Variants in TENT2 observed in about 807,000 individuals in gnomAD.
TENT2 encodes terminal nucleotidyltransferase 2, also known as poly(A) RNA polymerase GLD2.
Under a neutral mutation model 72.2 loss-of-function variants are expected in TENT2, and 44 were observed. That is an observed-to-expected ratio of 0.61 (90% CI 0.48 to 0.78). The LOEUF is 0.78. TENT2 is among the 30% of genes least tolerant of loss of function. TENT2 has a pLI of 0.00. For missense variants in TENT2, 541 were observed against 569.6 expected (o/e 0.95, Z 0.51); for synonymous variants, 212 against 192.5 (o/e 1.10, Z -0.84).
chr5:79,621,757 CAAA>C (rs397998298), intron 3 of TENT2, among the ~76,000 whole-genome samples: 1 of 83,300 alleles, frequency 1.2e-5, no homozygotes, highest in Non-Finnish European at 2.3e-5. Flanking sequence ...GACTCTATCT[CAAA>C]AAAAAAAAAA....
At chr5:79,661,627 T>TA (rs988086115) in intron 11 of TENT2, among the ~76,000 whole-genome samples, 1 of 152,332 alleles carries the variant, frequency 6.6e-6, no homozygotes, top group African/African-American at 2.4e-5. Context: ...AAAATGTACA[T>TA]ACCTTTGTTT....
intron 11 of TENT2, among the ~76,000 whole-genome samples, chr5:79,667,785 A>G (rs565691669): frequency 3.3e-5 from 5 of 152,174 alleles, no homozygotes; most frequent in African/African-American, 7.2e-5. Flanking sequence ...GCACTATGCA[A>G]TTTCTCTACT....
chr5:79,645,554 TATG>T, intron 8 of TENT2, among the ~76,000 whole-genome samples: 1 of 152,168 alleles, frequency 6.6e-6, no homozygotes, highest in East Asian at 1.9e-4. Flanking sequence ...TAAATACAGT[TATG>T]ATTAAACAAG....
rs78838195 is a variant in TENT2, at chr5:79,679,836, A to G, written c.1300+166A>G. ...AAAAGTCATTTAAAATTTTTTAGGT[A>G]TGAGAAATAATAAACATAAACTTTA... On this transcript the variant is annotated intron_variant, in intron 13 of 14. Transcript: ENST00000453514. Among the ~76,000 whole-genome samples, 1,449 of 152,236 alleles carry G rather than the reference A, an allele frequency of 9.5e-3. 29 individuals are homozygous for G. Among genetic ancestry groups the G allele is most frequent in the African/African-American group, 0.033 (1,363 of 41,542 alleles).
rs150808805 is a variant in TENT2, at chr5:79,619,744, C to T, written c.96C>T (p.His32=). The T allele has an allele frequency of 2.7e-4, 437 of 1,613,778 alleles. 1 individual carries two copies. The African/African-American group carries it at 5.5e-3, about 20-fold the overall frequency. ...FFTLSPTVYS[H]QQLIDAQFNF... ...CCCTGTCACCTACTGTTTATTCACA[C>T]CAGCAGCTTATAGATGCACAATTCA... Residue 32 remains histidine, a synonymous_variant, in exon 2 of 15, where the codon CAC becomes CAT. Coordinates refer to ENST00000453514, the MANE Select transcript of TENT2 (RefSeq NM_001114394.3).
intron 11 of TENT2, among the ~76,000 whole-genome samples, chr5:79,657,209 C>T (rs1336274570): frequency 6.6e-6 from 1 of 151,982 alleles, no homozygotes; most frequent in Non-Finnish European, 1.5e-5. Flanking sequence ...ACAGTCTGGT[C>T]AGTTGTGTTA....
At chr5:79,685,095 A>C (rs528586018) in intron 14 of TENT2, 104 bp from the exon 15 acceptor site, 1 of 913,332 alleles carries the variant, frequency 1.1e-6, no homozygotes, top group Non-Finnish European at 1.7e-6. Context: ...ATTATTCAAA[A>C]TTTATCACCT....
At chr5:79,664,748 A>C (rs1805986872) in intron 11 of TENT2, among the ~76,000 whole-genome samples, 1 of 152,206 alleles carries the variant, frequency 6.6e-6, no homozygotes, top group African/African-American at 2.4e-5. Flanking sequence ...AGGTAACCAC[A>C]CTGTATTGTA....
chr5:79,684,324 C>A (rs950855062), intron 14 of TENT2, among the ~76,000 whole-genome samples: 4 of 152,104 alleles, frequency 2.6e-5, no homozygotes, highest in African/African-American at 9.7e-5. Context: ...TGCTCTGTTA[C>A]CCAGACTCAG....
intron 11 of TENT2, among the ~76,000 whole-genome samples, chr5:79,659,556 GTATATATATATATATATATATATATA>G (rs71855117): frequency 8.8e-5 from 3 of 34,270 alleles, no homozygotes; most frequent in Admixed American, 5.7e-4. Context: ...AAAAAAAAAT[GTATATATATATATATATATATATATA>G]TATATATATA....
chr5:79,630,162 A>G (rs1026691160), intron 4 of TENT2, among the ~76,000 whole-genome samples: 1 of 152,094 alleles, frequency 6.6e-6, no homozygotes, highest in South Asian at 2.1e-4. Context: ...AAAAATGCAG[A>G]TCACAATTTT....
rs574745157 is a variant in TENT2, at chr5:79,687,541, T to C, written c.*2268T>C. ...CTAAATTACCTGATACGTAATACAA[T>C]GTAAATGCTATGTAAATAGTTGTTA... is the stretch of plus-strand genomic sequence containing the variant. On this transcript the variant is annotated 3_prime_UTR_variant, in exon 15 of 15. Coordinates refer to ENST00000453514, the MANE Select transcript of TENT2 (RefSeq NM_001114394.3). Among the ~76,000 whole-genome samples, 2 of 152,308 alleles carry C rather than the reference T, an allele frequency of 1.3e-5. No individual in the cohort carries two copies. Among genetic ancestry groups the C allele is most frequent in the East Asian group, 3.9e-4 (2 of 5,186 alleles).
chr5:79,673,679 G>A (rs2150764496), intron 12 of TENT2, among the ~76,000 whole-genome samples: 1 of 152,088 alleles, frequency 6.6e-6, no homozygotes, highest in Admixed American at 6.5e-5. Context: ...GTCCCATGCT[G>A]GTTTGATTGC....
At chr5:79,670,484 C>T (rs910501537) in intron 12 of TENT2, among the ~76,000 whole-genome samples, 1 of 151,498 alleles carries the variant, frequency 6.6e-6, no homozygotes, top group Non-Finnish European at 1.5e-5. Flanking sequence ...GTGACCACGC[C>T]TGGCTAATTT....
At chr5:79,655,747 T>A (rs1438039721) in intron 10 of TENT2, among the ~76,000 whole-genome samples, 2 of 91,162 alleles carry the variant, frequency 2.2e-5, no homozygotes, top group African/African-American at 1.6e-4. Flanking sequence ...AATGATTGAG[T>A]TTTTTTTTTT....
Position 79,679,585 on chromosome 5 carries a change from T to C in TENT2, c.1215T>C (p.Asn405=). 1 of 1,589,378 alleles carries C rather than the reference T, an allele frequency of 6.3e-7. No homozygotes were observed. The highest frequency in any genetic ancestry group is 8.6e-7 in the Non-Finnish European group (1 of 1,166,996). The change falls in exon 13 of 15, where the codon AAT becomes AAC. Residue 405 remains asparagine, a synonymous_variant. Transcript: ENST00000453514. ...ACTGTTTTTCTTCTTATAGCTGGAA[T>C]AGTCAAATGATTTCAGTTCGTGAAG... ...LKYYATEFDW[N]SQMISVREAK... is the part of the protein sequence containing the mutation.
chr5:79,626,595 C>T (rs1770162182), intron 4 of TENT2, among the ~76,000 whole-genome samples: 1 of 151,364 alleles, frequency 6.6e-6, no homozygotes, highest in Admixed American at 6.6e-5. Flanking sequence ...GCGTGAACCC[C>T]CGCACCCGGC....
rs768194887 is a variant in TENT2 at position 79,619,665 on chromosome 5, T to G, written c.17T>G (p.Ile6Ser). 6.2e-7 allele frequency: 1 copy of G among 1,613,578 alleles called. No homozygotes were observed. The highest frequency in any genetic ancestry group is 8.5e-7 in the Non-Finnish European group (1 of 1,179,704). Reference sequence around the variant, plus strand: ...AACAAGAGCATGTTCCCAAACTCAATTTTGGGTCGCCCACCCTTCACTCCA... The same window carrying G: ...AACAAGAGCATGTTCCCAAACTCAAGTTTGGGTCGCCCACCCTTCACTCCA... MFPNS[I>S]LGRPPFTPNH... Residue 6 changes from isoleucine (I) to serine (S), a missense_variant, in exon 2 of 15, where the codon ATT becomes AGT. Physicochemically the swap from Ile to Ser is moderately radical, Grantham distance 142. Transcript: ENST00000453514.
chr5:79,659,488 C>T (rs1304919092), intron 11 of TENT2, among the ~76,000 whole-genome samples: 2 of 135,474 alleles, frequency 1.5e-5, no homozygotes, highest in Middle Eastern at 3.7e-3. Flanking sequence ...GCCCAGATTG[C>T]GCCACTGTAC....
Sources: gnomAD v4.1 joint callset for allele counts (sites outside exome capture counted in the v4.1 genomes callset) on GRCh38, gnomAD v4.1.1 for gene constraint, MANE v1.5 for transcripts, NCBI Gene and HGNC (gene_info 2026-07-23, HGNC 2026-07-21) for gene names.